The following LRBA variants were observed in gnomAD, a reference collection of about 807,000 sequenced individuals.
LRBA encodes LPS responsive beige-like anchor protein.
In LRBA, 176 loss-of-function variants were observed where a neutral mutation model predicts 330.0. The ratio of observed to expected loss-of-function variants is 0.53; its 90% CI spans 0.47 to 0.60. The LOEUF (loss-of-function observed/expected upper bound fraction) is 0.60, where lower values mean the gene tolerates loss of function less well. Among genes scored for constraint, LRBA ranks in the 20% least tolerant of loss-of-function variants. The probability of loss-of-function intolerance (pLI) is 0.00; values close to 1 mark genes in which losing one functional copy is unlikely to be tolerated. For synonymous variants in LRBA, 1,230 were observed against 1,193.0 expected (o/e 1.03, Z -0.64); for missense variants, 3,259 against 3,444.8 (o/e 0.95, Z 1.35).
chr4:150,700,525 A>G (rs1785019362), intron 36 of LRBA, among the ~76,000 whole-genome samples: 1 of 152,170 alleles, frequency 6.6e-6, no homozygotes, highest in Admixed American at 6.6e-5. Context: ...GGTCTAGGAT[A>G]TTACTGTATA....
chr4:150,677,869 T>C (rs1380971757), intron 37 of LRBA, among the ~76,000 whole-genome samples: 1 of 151,844 alleles, frequency 6.6e-6, no homozygotes, highest in African/African-American at 2.4e-5. Flanking sequence ...CTGATTCCCA[T>C]ATGTTCAGTA....
intron 33 of LRBA, among the ~76,000 whole-genome samples, chr4:150,800,105 A>C (rs1232449412): frequency 3.3e-5 from 5 of 152,220 alleles, no homozygotes; most frequent in Non-Finnish European, 5.9e-5. Flanking sequence ...TATTTATTTC[A>C]GTCTTATTTT....
chr4:150,616,846 G>A (rs1379701921), intron 37 of LRBA, among the ~76,000 whole-genome samples: 1 of 152,114 alleles, frequency 6.6e-6, no homozygotes, highest in Non-Finnish European at 1.5e-5. Context: ...CTTTACAAAT[G>A]CCATAGAATT....
Position 150,302,734 on chromosome 4 carries a change from A to C in LRBA, c.7908T>G (p.Ser2636=), listed in dbSNP as rs754744974. The change falls in exon 53 of 57, where the codon TCT becomes TCG. Residue 2636 remains serine, a synonymous_variant. Transcript: ENST00000651943. Reference sequence around the variant, plus strand: ...AGCAATTTCCCCCAATATATGACTCAGAACGAGCAAGGCAAGTGACGACAT... The same window carrying C: ...AGCAATTTCCCCCAATATATGACTCCGAACGAGCAAGGCAAGTGACGACAT... ...HWDVVTCLAR[S]ESYIGGNCYI... The C allele has an allele frequency of 1.9e-6, 3 of 1,611,270 alleles. No individual in the cohort carries two copies. The highest frequency in any genetic ancestry group is 2.5e-6 in the Non-Finnish European group (3 of 1,178,362).
chr4:150,399,361 G>T (rs1457316226), intron 47 of LRBA, among the ~76,000 whole-genome samples: 1 of 152,108 alleles, frequency 6.6e-6, no homozygotes, highest in Non-Finnish European at 1.5e-5. Flanking sequence ...TGGTTCTCAA[G>T]ATGCTCAAGC....
chr4:151,004,934 T>C (rs1199825011), intron 2 of LRBA, among the ~76,000 whole-genome samples: 1 of 151,900 alleles, frequency 6.6e-6, no homozygotes, highest in South Asian at 2.1e-4. Context: ...TTGGTTGCAA[T>C]GAGCCAAGAG....
intron 17 of LRBA, among the ~76,000 whole-genome samples, chr4:150,885,189 A>G (rs1728813332): frequency 8.3e-6 from 1 of 120,594 alleles, no homozygotes; most frequent in African/African-American, 2.5e-5. Context: ...ACATAGATGT[A>G]ACAAGAGTTC....
rs897010147 is a variant in LRBA, at chr4:150,579,214, T to C, written c.6330+8834A>G. The C allele has an allele frequency of 4.4e-6, 2 of 456,588 alleles. 1 individual carries two copies. Among genetic ancestry groups the C allele is most frequent in the South Asian group, 3.1e-5 (2 of 64,570 alleles). The allele number at this position is 456,588 out of a possible 1,614,324, so 28.3% of individuals were successfully genotyped here. The stretch of plus-strand genomic sequence containing the variant: ...AGGAGCTGCTGATGGACTTCTATAC[T>C]AACATACATAAAAGCAGAGGTGACA... On this transcript the variant is annotated intron_variant, in intron 40 of 56. Coordinates refer to ENST00000651943, the MANE Select transcript of LRBA (RefSeq NM_001364905.1).
chr4:150,294,720 G>C (rs1490018899), intron 53 of LRBA, among the ~76,000 whole-genome samples: 1 of 152,208 alleles, frequency 6.6e-6, no homozygotes, highest in African/African-American at 2.4e-5. Flanking sequence ...GGGAGGCCAA[G>C]GTGGGCGGAT....
Position 150,590,840 on chromosome 4 carries a change from A to G in LRBA, c.6066T>C (p.Leu2022=), listed in dbSNP as rs1453468829. 1.2e-6 allele frequency: 2 copies of G among 1,613,782 alleles called. No homozygotes were observed. Among genetic ancestry groups the G allele is most frequent in the South Asian group, 2.2e-5 (2 of 91,054 alleles). ...AVEHATDEDI[L]AKGKQSIRSQ... Reference sequence around the variant, plus strand: ...TCCTGATGGACTGTTTTCCTTTAGCAAGGATATCTTCATCTGTGGCTGAAA... The same window carrying G: ...TCCTGATGGACTGTTTTCCTTTAGCGAGGATATCTTCATCTGTGGCTGAAA... Residue 2022 remains leucine, a synonymous_variant, in exon 39 of 57, where the codon CTT becomes CTC. Coordinates refer to ENST00000651943, the MANE Select transcript of LRBA (RefSeq NM_001364905.1).
intron 17 of LRBA, among the ~76,000 whole-genome samples, chr4:150,891,395 T>G (rs958486987): frequency 4.6e-5 from 7 of 152,242 alleles, no homozygotes; most frequent in Non-Finnish European, 1.5e-5. Flanking sequence ...ATGTGTCAAC[T>G]GGGCTAGGCC....
At chr4:150,886,173 G>C (rs1212465041) in intron 17 of LRBA, among the ~76,000 whole-genome samples, 7 of 152,140 alleles carry the variant, frequency 4.6e-5, no homozygotes, top group African/African-American at 1.7e-4. Flanking sequence ...GTGTAGGGGA[G>C]TTAAAACTTG....
intron 37 of LRBA, among the ~76,000 whole-genome samples, chr4:150,599,893 T>G (rs1425678479): frequency 3.3e-5 from 5 of 152,176 alleles, no homozygotes; most frequent in Admixed American, 3.3e-4. Flanking sequence ...TTTTATGTAC[T>G]CTGTTTTTAT....
rs553044851 is a variant in LRBA at position 150,873,791 on chromosome 4, G to A, written c.2166-1036C>T. Among the ~76,000 whole-genome samples the A allele has an allele frequency of 3.3e-5, 5 of 151,638 alleles. No homozygotes were observed. In the East Asian group the frequency reaches 7.7e-4, roughly 23 times the overall value. ...TATCCTCCTAGATCAAAATTTTGGT[G>A]TTTAGTAAGTTAGAAAACATTCTGA... On this transcript the variant is annotated intron_variant, in intron 17 of 56. Coordinates refer to ENST00000651943, the MANE Select transcript of LRBA (RefSeq NM_001364905.1).
intron 48 of LRBA, among the ~76,000 whole-genome samples, chr4:150,346,775 A>C (rs11099761): frequency 0.045 from 6,590 of 147,812 alleles, 277 homozygotes; most frequent in East Asian, 0.17. Context: ...AAAAAAAAAA[A>C]AAAAAAAAAA....
intron 40 of LRBA, among the ~76,000 whole-genome samples, chr4:150,513,683 TCCC>T (rs1762059274): frequency 1.3e-5 from 2 of 152,186 alleles, no homozygotes; most frequent in African/African-American, 2.4e-5. Flanking sequence ...CTGCTCCCTG[TCCC>T]CTCACATAGT....
At chr4:150,435,865 A>C (rs1751044506) in intron 45 of LRBA, among the ~76,000 whole-genome samples, 157 bp from the exon 46 acceptor site, 2 of 152,172 alleles carry the variant, frequency 1.3e-5, no homozygotes, top group African/African-American at 2.4e-5. Flanking sequence ...TATTACATTA[A>C]TGTTCTCAAG....
At chr4:150,780,354 A>T (rs948464632) in intron 34 of LRBA, among the ~76,000 whole-genome samples, 3 of 152,128 alleles carry the variant, frequency 2.0e-5, no homozygotes, top group Admixed American at 1.3e-4. Flanking sequence ...CAGAATTTAA[A>T]TTTTCCAAAC....
chr4:150,831,823 G>C lies in LRBA; in HGVS notation c.4723C>G (p.Leu1575Val). The change falls in exon 29 of 57, where the codon CTC becomes GTC. Residue 1575 changes from leucine to valine, a missense_variant. Leu to Val is a conservative substitution (Grantham distance 32). Coordinates refer to ENST00000651943, the MANE Select transcript of LRBA (RefSeq NM_001364905.1). ...ATAGAAAATGCAAACTTACCAGAGA[G>C]TGATACATTCTCATTTTCACTGCCA... is the stretch of plus-strand genomic sequence containing the variant. ...ETGSENENVS[L>V]SEITPAAFST... The C allele has an allele frequency of 6.3e-7, 1 of 1,592,032 alleles. No individual in the cohort carries two copies. The highest frequency in any genetic ancestry group is 8.5e-7 in the Non-Finnish European group (1 of 1,169,658).
Sources: allele counts gnomAD v4.1 joint callset (sites outside exome capture counted in the v4.1 genomes callset), GRCh38; gene constraint gnomAD v4.1.1; transcripts MANE v1.5; gene names NCBI Gene and HGNC (gene_info 2026-07-23, HGNC 2026-07-21).